Variants in GBP4 observed in about 807,000 individuals in gnomAD.
GBP4 encodes the protein guanylate-binding protein 4.
GBP4 carries 69 observed loss-of-function variants against 62.2 expected under a neutral mutation model. The observed-to-expected ratio is 1.11, with a 90% CI of 0.91 to 1.36. GBP4 has a LOEUF of 1.36. GBP4 is among the 40% of genes most tolerant of loss of function. The pLI is 0.00. For missense variants in GBP4, 697 were observed against 759.3 expected, an observed-to-expected ratio of 0.92 and a Z score of 0.96; for synonymous variants, 278 against 274.6, an observed-to-expected ratio of 1.01 and a Z score of -0.12.
chr1:89,185,040 T>C lies in GBP4; in HGVS notation c.*214A>G, dbSNP rs1647994785. 2.4e-6 allele frequency: 1 copy of C among 414,110 alleles called. No individual in the cohort carries two copies. The highest frequency in any genetic ancestry group is 2.1e-5 in the African/African-American group (1 of 48,612). The allele number at this position is 414,110 out of a possible 1,614,324, so 25.7% of individuals were successfully genotyped here. A position where few individuals can be genotyped will look rare whatever the true frequency, so the allele number is the denominator to read the frequency against. ...GAATAATGTCACTACTTCTGACTTG[T>C]TTCCCATGTTTATAAATTATTAGTT... On this transcript the variant is annotated 3_prime_UTR_variant, in exon 11 of 11. Transcript: ENST00000355754.
chr1:89,198,486 A>G (rs1648407412), intron 1 of GBP4, among the ~76,000 whole-genome samples: 1 of 152,218 alleles, frequency 6.6e-6, no homozygotes, highest in African/African-American at 2.4e-5. Flanking sequence ...TGTATACTAG[A>G]TGATGGTATT....
At position 89,190,303 on chromosome 1, in the gene GBP4, A is replaced by C. The variant is rs1386523910; in HGVS notation, c.932T>G (p.Val311Gly). The change falls in exon 7 of 11, where the codon GTG becomes GGG. Residue 311 changes from valine (V) to glycine (G), a missense_variant. Val to Gly is a moderately radical substitution (Grantham distance 109). Around this residue, in one of 2 missense-constraint regions of GBP4, gnomAD observed 556 missense variants for 562.7 expected, o/e 0.99. Coordinates refer to ENST00000355754, the MANE Select transcript of GBP4 (RefSeq NM_052941.5). ...IVTGKRLGTL[V>G]VTYVDAINSG... ...GTTGATGGCATCTACATAAGTCACCACCAGAGTCCCCAGCCCTGAATCACA... is the reference window on the plus strand; with the variant it reads ...GTTGATGGCATCTACATAAGTCACCCCCAGAGTCCCCAGCCCTGAATCACA... 6.2e-7 allele frequency: 1 copy of C among 1,605,744 alleles called. No homozygotes were observed. Among genetic ancestry groups the C allele is most frequent in the African/African-American group, 1.3e-5 (1 of 74,776 alleles).
At position 89,193,231 on chromosome 1, in the gene GBP4, A is replaced by AAAG; in HGVS notation, c.473+69_473+71dup. 2.6e-6 allele frequency: 4 copies of AAAG among 1,542,498 alleles called. No homozygotes were observed. In the South Asian group the frequency reaches 4.5e-5, roughly 17 times the overall value. ...TCAACCAGGACAACTGAGTCACAGC[A>AAAG]AAGAAGACACAGTATCAATTCCCAT... On this transcript the variant is annotated intron_variant, in intron 4 of 10. Transcript: ENST00000355754.
chr1:89,188,811 G>A lies in GBP4; in HGVS notation c.1198-17C>T, dbSNP rs368009884. 8.6e-5 allele frequency: 139 copies of A among 1,613,452 alleles called. No homozygotes were observed. In the African/African-American group the frequency reaches 1.6e-3, roughly 19 times the overall value. On this transcript the variant is annotated splice_polypyrimidine_tract_variant and intron_variant, in intron 7 of 10. Coordinates refer to ENST00000355754, the MANE Select transcript of GBP4 (RefSeq NM_052941.5). ...TATGGTGTCCTGCCAGAAAAATGTA[G>A]AGAAAACAGTAGAAAGAAGCTGTTA...
In GBP4 at chr1:89,185,399, A is replaced by G. The variant is rs769206838; in HGVS notation, c.1778T>C (p.Leu593Pro). 2 of 1,589,922 alleles carry G rather than the reference A, an allele frequency of 1.3e-6. No homozygotes were observed. The highest frequency in any genetic ancestry group is 2.2e-5 in the South Asian group (2 of 90,526). ...SEQLNKEINQ[L>P]KEKIESTKNE... ...TTTAGTGCTTTCAATTTTTTCTTTC[A>G]GTTGATTAATCTCTTTATTTAACTG... is the stretch of plus-strand genomic sequence containing the variant. The change falls in exon 11 of 11, where the codon CTG (leucine) becomes CCG (proline). Residue 593 changes from leucine to proline, a missense_variant. This residue lies in a region of GBP4 where 141 missense variants were observed against 196.6 expected (regional missense o/e 0.72). Transcript: ENST00000355754.
chr1:89,190,470 T>A, intron 6 of GBP4, 152 bp from the exon 7 acceptor site: 1 of 568,866 alleles, frequency 1.8e-6, no homozygotes, highest in Non-Finnish European at 2.9e-6. Context: ...TTCATCTTCC[T>A]CTATGAATTC....
At position 89,181,204 on chromosome 1, in the gene GBP4, C is replaced by T. The variant is rs958083762; in HGVS notation, c.*4050G>A. 1 of 152,008 alleles carries T rather than the reference C, an allele frequency of 6.6e-6. No homozygotes were observed. The highest frequency in any genetic ancestry group is 2.1e-4 in the South Asian group (1 of 4,832). 9.4% of individuals were successfully genotyped at this position (152,008 alleles called of 1,614,324 possible). A position where few individuals can be genotyped will look rare whatever the true frequency, so the allele number is the denominator to read the frequency against. On this transcript the variant is annotated 3_prime_UTR_variant, in exon 11 of 11. Transcript: ENST00000355754. Reference sequence around the variant, plus strand: ...TGCAGGCTGGCTGAGTCCGAAAAGACAGTCAGTGAAGGGAGATAGGGTTGG... The same window carrying T: ...TGCAGGCTGGCTGAGTCCGAAAAGATAGTCAGTGAAGGGAGATAGGGTTGG...
chr1:89,195,216 GAT>G, intron 3 of GBP4, 79 bp downstream of exon 3: 1 of 1,397,158 alleles, frequency 7.2e-7, no homozygotes. Context: ...AGTTTACAGA[GAT>G]ATGTACAGAA....
Position 89,185,249 on chromosome 1 carries a change from G to A in GBP4, c.*5C>T, listed in dbSNP as rs1476168903. On this transcript the variant is annotated 3_prime_UTR_variant, in exon 11 of 11. Coordinates refer to ENST00000355754, the MANE Select transcript of GBP4 (RefSeq NM_052941.5). The stretch of plus-strand genomic sequence containing the variant: ...TATATTTTCTTACCTGGAATATTCA[G>A]GCTCTTAAATACGTGAGCCAAGATA... 7 of 1,541,948 alleles carry A rather than the reference G, an allele frequency of 4.5e-6. No homozygotes were observed. The highest frequency in any genetic ancestry group is 6.3e-6 in the Non-Finnish European group (7 of 1,117,178).
In GBP4 at chr1:89,188,777, C is replaced by CT. The variant is rs550119077; in HGVS notation, c.1214dup (p.Lys406GlufsTer9). 31 of 1,614,112 alleles carry CT rather than the reference C, an allele frequency of 1.9e-5. No homozygotes were observed. In the South Asian group the frequency reaches 3.2e-4, roughly 17 times the overall value. ...CATTCTGCAGCACAAAGTCTCCCTT[C>CT]TTTTTCTCTATGGTGTCCTGCCAGA... On this transcript the variant is annotated frameshift_variant, in exon 8 of 11. Coordinates refer to ENST00000355754, the MANE Select transcript of GBP4 (RefSeq NM_052941.5). LOFTEE classifies it high-confidence loss of function.
chr1:89,197,334 A>AT, intron 1 of GBP4, 30 bp from the exon 2 acceptor site: 1 of 1,595,236 alleles, frequency 6.3e-7, no homozygotes, highest in South Asian at 1.1e-5. Context: ...ACTCAGTAGA[A>AT]TACAAGATCT....
At chr1:89,198,743 G>C in intron 1 of GBP4, 52 bp downstream of exon 1, 1 of 1,503,690 alleles carries the variant, frequency 6.7e-7, no homozygotes, top group Non-Finnish European at 9.3e-7. Context: ...ATTTGTTGTT[G>C]TTTGTTATAA....
rs776795578 is a variant in GBP4, at chr1:89,197,235, G to C, written c.110C>G (p.Thr37Arg). 1.2e-5 allele frequency: 20 copies of C among 1,614,032 alleles called. No homozygotes were observed. In the Admixed American group the frequency reaches 3.3e-4, roughly 27 times the overall value. ...AATCTCTAATGCCTTTGAATTCACT[G>C]TCAGCTGCTCTTCCTGGTTTTCCAC... is the stretch of plus-strand genomic sequence containing the variant. ...CLVENQEEQL[T>R]VNSKALEILD... is the part of the protein sequence containing the mutation. Residue 37 changes from threonine (T) to arginine (R), a missense_variant, in exon 2 of 11, where the codon ACA (threonine) becomes AGA (arginine). By Grantham distance (71) the Thr-to-Arg change is moderately conservative (BLOSUM62 -1). Transcript: ENST00000355754.
chr1:89,198,624 A>C (rs1648411627), intron 1 of GBP4, 171 bp downstream of exon 1: 1 of 669,066 alleles, frequency 1.5e-6, no homozygotes, highest in East Asian at 2.7e-5. Context: ...GGAGCAAAGC[A>C]CTCAGGGGTT....
Position 89,188,849 on chromosome 1 carries a change from C to T in GBP4, c.1198-55G>A, listed in dbSNP as rs1041789198. The T allele has an allele frequency of 7.7e-6, 12 of 1,567,164 alleles. No homozygotes were observed. The African/African-American group carries it at 1.6e-4, about 21-fold the overall frequency. On this transcript the variant is annotated intron_variant, in intron 7 of 10. Transcript: ENST00000355754. Reference sequence around the variant, plus strand: ...AAAGAAGCTGTTAGAAGGGAAGGTCCAACTGTGATCCTCTTGGAAGAAGTA... The same window carrying T: ...AAAGAAGCTGTTAGAAGGGAAGGTCTAACTGTGATCCTCTTGGAAGAAGTA...
At chr1:89,195,181 GC>G in intron 3 of GBP4, 115 bp downstream of exon 3, 1 of 1,049,690 alleles carries the variant, frequency 9.5e-7, no homozygotes, top group Non-Finnish European at 1.4e-6. Flanking sequence ...ACAGAATTTA[GC>G]CTCATTATTC....
chr1:89,192,838 A>T, intron 5 of GBP4, 66 bp downstream of exon 5: 1 of 1,458,824 alleles, frequency 6.9e-7, no homozygotes, highest in Non-Finnish European at 9.5e-7. Context: ...TCAGGTGCTG[A>T]ATAGCAGGTC....
Position 89,185,470 on chromosome 1 carries a change from CT to C in GBP4, c.1708-2del. 1 of 1,473,430 alleles carries C rather than the reference CT, an allele frequency of 6.8e-7. No homozygotes were observed. The highest frequency in any genetic ancestry group is 9.4e-7 in the Non-Finnish European group (1 of 1,058,648). The allele number at this position is 1,473,430 out of a possible 1,614,324, so 91.3% of individuals were successfully genotyped here. A position where few individuals can be genotyped will look rare whatever the true frequency, so the allele number is the denominator to read the frequency against. On this transcript the variant is annotated splice_acceptor_variant, in intron 10 of 10. Coordinates refer to ENST00000355754, the MANE Select transcript of GBP4 (RefSeq NM_052941.5). LOFTEE classifies it high-confidence loss of function. ...CTTCCTTAAGCATTTCTTCTTGTAC[CT>C]ATAAAAGGGAAATAGTCCACTTTTG...
intron 8 of GBP4, among the ~76,000 whole-genome samples, chr1:89,187,485 T>C (rs1353219719): frequency 6.6e-6 from 1 of 152,052 alleles, no homozygotes; most frequent in Non-Finnish European, 1.5e-5. Flanking sequence ...TGGGACTACA[T>C]CAAACTAAAA....
Sources: allele counts gnomAD v4.1 joint callset (sites outside exome capture counted in the v4.1 genomes callset), GRCh38; gene constraint gnomAD v4.1.1; regional missense constraint gnomAD v4.1.1; transcripts MANE v1.5; gene names NCBI Gene and HGNC (gene_info 2026-07-23, HGNC 2026-07-21).